GRID2: variants seen among roughly 807,000 people sequenced by gnomAD.
GRID2 encodes the protein glutamate ionotropic receptor delta type subunit 2.
Under a neutral mutation model 114.8 loss-of-function variants are expected in GRID2, and 33 were observed. That is an observed-to-expected ratio of 0.29 (90% CI 0.22 to 0.38). The LOEUF (loss-of-function observed/expected upper bound fraction) is 0.38. Ranked by LOEUF, GRID2 falls within the 10% of genes least tolerant of loss-of-function variation. The pLI, the probability that GRID2 is intolerant of heterozygous loss-of-function variation, is 1.00. For synonymous variants in GRID2, 505 were observed against 449.9 expected, an observed-to-expected ratio of 1.12 and a Z score of -1.55; for missense variants, 1,184 against 1,257.7, an observed-to-expected ratio of 0.94 and a Z score of 0.89.
intron 4 of GRID2, among the ~76,000 whole-genome samples, chr4:93,200,580 A>G (rs954297028): frequency 2.0e-5 from 3 of 151,740 alleles, no homozygotes; most frequent in Non-Finnish European, 4.4e-5. Context: ...CAAACAAACA[A>G]ACAAACAAAC....
At chr4:92,384,493 TA>T (rs1211585186) in intron 1 of GRID2, among the ~76,000 whole-genome samples, 1,301 of 45,566 alleles carry the variant, frequency 0.029, 103 homozygotes, top group African/African-American at 0.11. Context: ...TTATATATAA[TA>T]AAAATATATA....
At chr4:92,853,217 A>C (rs1202120241) in intron 2 of GRID2, among the ~76,000 whole-genome samples, 3 of 152,022 alleles carry the variant, frequency 2.0e-5, no homozygotes, top group Admixed American at 6.6e-5. Flanking sequence ...AGAAGGATTA[A>C]ATGATATAAT....
intron 11 of GRID2, among the ~76,000 whole-genome samples, chr4:93,457,593 A>G (rs1260366796): frequency 6.6e-6 from 1 of 152,212 alleles, no homozygotes; most frequent in Non-Finnish European, 1.5e-5. Context: ...TTAGAAGACT[A>G]TTACAATAAC....
At chr4:92,361,462 T>C (rs1728616951) in intron 1 of GRID2, among the ~76,000 whole-genome samples, 1 of 152,026 alleles carries the variant, frequency 6.6e-6, no homozygotes, top group Admixed American at 6.6e-5. Context: ...CTTTATATAA[T>C]TGAAACAGTA....
At chr4:93,183,893 C>G (rs1222909876) in intron 4 of GRID2, among the ~76,000 whole-genome samples, 2 of 152,164 alleles carry the variant, frequency 1.3e-5, no homozygotes, top group African/African-American at 2.4e-5. Context: ...AAAATCAAAA[C>G]TGATTTTTAA....
intron 8 of GRID2, among the ~76,000 whole-genome samples, chr4:93,314,319 A>G (rs1756347082): frequency 6.6e-6 from 1 of 150,800 alleles, no homozygotes; most frequent in African/African-American, 2.4e-5. Context: ...AAAAAAAAAA[A>G]AAAAAAAAAA....
At chr4:92,824,443 C>T (rs1055459332) in intron 2 of GRID2, among the ~76,000 whole-genome samples, 9 of 152,004 alleles carry the variant, frequency 5.9e-5, no homozygotes, top group African/African-American at 1.9e-4. Flanking sequence ...TAAGAAAATA[C>T]TTCTGTCTTG....
chr4:92,785,688 T>A (rs1739288051), intron 2 of GRID2, among the ~76,000 whole-genome samples: 1 of 151,832 alleles, frequency 6.6e-6, no homozygotes, highest in East Asian at 1.9e-4. Context: ...TGTGTGTAGT[T>A]AAGCTTTTTA....
In GRID2 at chr4:93,608,059, C is replaced by G. The variant is rs56884710; in HGVS notation, c.2194-18210C>G. On this transcript the variant is annotated intron_variant, in intron 13 of 15. Coordinates refer to ENST00000282020, the MANE Select transcript of GRID2 (RefSeq NM_001510.4). ...CTAACTTTACATATATATATATATA[C>G]GTATATAAGTATATATATGCATATA... Among the ~76,000 whole-genome samples, 11 of 119,228 alleles carry G rather than the reference C, an allele frequency of 9.2e-5. No individual in the cohort carries two copies. In the East Asian group the frequency reaches 2.1e-3, roughly 23 times the overall value. The allele number at this position is 119,228 out of a possible 152,430, so 78.2% of individuals were successfully genotyped here. A position where few individuals can be genotyped will look rare whatever the true frequency, so the allele number is the denominator to read the frequency against.
At chr4:92,455,110 T>G (rs1721139763) in intron 1 of GRID2, among the ~76,000 whole-genome samples, 1 of 152,172 alleles carries the variant, frequency 6.6e-6, no homozygotes, top group African/African-American at 2.4e-5. Context: ...AAAACTACTT[T>G]AAAATAGAAA....
At chr4:93,452,039 G>A (rs1289858068) in intron 10 of GRID2, among the ~76,000 whole-genome samples, 1 of 152,160 alleles carries the variant, frequency 6.6e-6, no homozygotes, top group African/African-American at 2.4e-5. Context: ...TTTGTAAATT[G>A]TGTGTAGATG....
At chr4:93,478,356 A>G (rs1485145461) in intron 11 of GRID2, among the ~76,000 whole-genome samples, 8 of 152,044 alleles carry the variant, frequency 5.3e-5, no homozygotes, top group Non-Finnish European at 1.2e-4. Context: ...CTCATCAGAA[A>G]TATTTTATGG....
intron 2 of GRID2, among the ~76,000 whole-genome samples, chr4:93,080,175 T>C (rs1560857257): frequency 6.6e-6 from 1 of 152,176 alleles, no homozygotes. Flanking sequence ...TGTGTTACTG[T>C]ATTCCTAGAA....
chr4:92,579,106 A>C (rs1728051219), intron 1 of GRID2, among the ~76,000 whole-genome samples: 1 of 152,144 alleles, frequency 6.6e-6, no homozygotes, highest in Non-Finnish European at 1.5e-5. Context: ...TATGTACTTC[A>C]ACTATGGTCT....
At chr4:92,966,291 G>C (rs927229500) in intron 2 of GRID2, among the ~76,000 whole-genome samples, 1 of 151,860 alleles carries the variant, frequency 6.6e-6, no homozygotes, top group African/African-American at 2.4e-5. Flanking sequence ...TATAAAAGTG[G>C]TATGATAATA....
chr4:93,426,456 T>A (rs1455222524), intron 10 of GRID2, among the ~76,000 whole-genome samples: 1 of 152,176 alleles, frequency 6.6e-6, no homozygotes, highest in African/African-American at 2.4e-5. Flanking sequence ...CTTAATGAGT[T>A]ATTATGCTAA....
At chr4:93,121,964 T>C (rs1426498336) in intron 4 of GRID2, among the ~76,000 whole-genome samples, 1 of 152,184 alleles carries the variant, frequency 6.6e-6, no homozygotes, top group African/African-American at 2.4e-5. Context: ...TCCCCCCTTC[T>C]TTCCCCTCAT....
intron 1 of GRID2, among the ~76,000 whole-genome samples, chr4:92,330,987 A>G (rs10010156): frequency 0.02 from 3,101 of 152,208 alleles, 113 homozygotes; most frequent in African/African-American, 0.071. Context: ...CTCTTTATTG[A>G]GCAATTACTA....
At position 93,626,293 on chromosome 4, in the gene GRID2, G is replaced by C. The variant is rs150846341; in HGVS notation, c.2218G>C (p.Val740Leu). The C allele has an allele frequency of 2.5e-6, 4 of 1,593,656 alleles. No individual in the cohort carries two copies. In the African/African-American group the frequency reaches 4.0e-5, roughly 16 times the overall value. ...QKVKYGNYAFVWDAAVLEYVA... is the reference protein window; with the variant it reads ...QKVKYGNYAFLWDAAVLEYVA... ...GGTAAAATATGGAAATTATGCTTTCGTATGGGATGCAGCTGTATTGGAATA... is the reference window on the plus strand; with the variant it reads ...GGTAAAATATGGAAATTATGCTTTCCTATGGGATGCAGCTGTATTGGAATA... The change falls in exon 14 of 16, where the codon GTA becomes CTA. Residue 740 changes from valine (V) to leucine (L), a missense_variant. Transcript: ENST00000282020.
Sources: allele counts gnomAD v4.1 joint callset (sites outside exome capture counted in the v4.1 genomes callset), GRCh38; gene constraint gnomAD v4.1.1; transcripts MANE v1.5; gene names NCBI Gene and HGNC (gene_info 2026-07-23, HGNC 2026-07-21).